Variants in NPAS3 observed in about 807,000 individuals in gnomAD.
The protein encoded by NPAS3 is neuronal PAS domain-containing protein 3.
Under a neutral mutation model 73.1 loss-of-function variants are expected in NPAS3, and 14 were observed. The observed-to-expected ratio is 0.19, with a 90% CI of 0.13 to 0.30. The LOEUF is 0.30. Among genes scored for constraint, NPAS3 ranks in the 10% least tolerant of loss-of-function variants. The pLI is 1.00. For synonymous variants in NPAS3, 620 were observed against 541.5 expected, an observed-to-expected ratio of 1.14 and a Z score of -2.01; for missense variants, 1,096 against 1,250.0, an observed-to-expected ratio of 0.88 and a Z score of 1.86.
At chr14:33,244,272 T>C (rs541817097) in intron 3 of NPAS3, among the ~76,000 whole-genome samples, 1 of 152,314 alleles carries the variant, frequency 6.6e-6, no homozygotes, top group East Asian at 1.9e-4. Context: ...TCCAAGCTTA[T>C]AGAGAATACC....
intron 4 of NPAS3, among the ~76,000 whole-genome samples, chr14:33,548,985 C>A (rs150210121): frequency 6.6e-6 from 1 of 152,190 alleles, no homozygotes; most frequent in Non-Finnish European, 1.5e-5. Context: ...ACAAATGTTT[C>A]ATCCCCAGTT....
At chr14:33,230,472 G>A (rs1285609766) in intron 3 of NPAS3, among the ~76,000 whole-genome samples, 1 of 152,190 alleles carries the variant, frequency 6.6e-6, no homozygotes, top group Non-Finnish European at 1.5e-5. Context: ...ACTAACAGCA[G>A]AGGATAAAAT....
At chr14:33,700,227 G>A (rs536282701) in intron 6 of NPAS3, among the ~76,000 whole-genome samples, 19 of 152,220 alleles carry the variant, frequency 1.2e-4, no homozygotes, top group African/African-American at 4.6e-4. Flanking sequence ...TCCCTGTTCA[G>A]AATGGTTTCT....
At chr14:33,226,441 T>C (rs902436794) in intron 3 of NPAS3, among the ~76,000 whole-genome samples, 1 of 152,232 alleles carries the variant, frequency 6.6e-6, no homozygotes, top group Non-Finnish European at 1.5e-5. Flanking sequence ...TTGAGATCTG[T>C]GTATTTAGTG....
chr14:33,261,697 AAC>A (rs1260461176), intron 3 of NPAS3, among the ~76,000 whole-genome samples: 1 of 152,208 alleles, frequency 6.6e-6, no homozygotes, highest in Non-Finnish European at 1.5e-5. Context: ...AGTTTGACAT[AAC>A]AATTTTATGT....
intron 2 of NPAS3, among the ~76,000 whole-genome samples, chr14:33,166,706 T>C (rs949291594): frequency 6.6e-6 from 1 of 152,196 alleles, no homozygotes; most frequent in African/African-American, 2.4e-5. Flanking sequence ...TGCAGAATTA[T>C]GGTGCTGGCT....
At chr14:33,436,773 G>T (rs924078744) in intron 4 of NPAS3, among the ~76,000 whole-genome samples, 1 of 152,142 alleles carries the variant, frequency 6.6e-6, no homozygotes, top group Non-Finnish European at 1.5e-5. Context: ...ATACCCTTGA[G>T]GCTCTTGGGG....
At chr14:33,047,779 C>A (rs2040560518) in intron 1 of NPAS3, among the ~76,000 whole-genome samples, 1 of 152,136 alleles carries the variant, frequency 6.6e-6, no homozygotes, top group Non-Finnish European at 1.5e-5. Flanking sequence ...CTATATCCAG[C>A]TCGGTCACTA....
chr14:33,413,303 C>T (rs184228273), intron 4 of NPAS3, among the ~76,000 whole-genome samples: 9 of 151,070 alleles, frequency 6.0e-5, no homozygotes, highest in South Asian at 4.2e-4. Flanking sequence ...CATTTGCTAC[C>T]GATAGCACTT....
At chr14:33,642,549 T>C (rs780566529) in intron 5 of NPAS3, among the ~76,000 whole-genome samples, 15 of 152,208 alleles carry the variant, frequency 9.9e-5, no homozygotes, top group Admixed American at 4.6e-4. Context: ...GGTACAAGAT[T>C]GAAAAATCTC....
At chr14:33,061,920 G>T (rs148054131) in intron 2 of NPAS3, among the ~76,000 whole-genome samples, 3 of 152,316 alleles carry the variant, frequency 2.0e-5, no homozygotes, top group African/African-American at 7.2e-5. Context: ...CATGGTGGAG[G>T]AGGAGCTATC....
At chr14:33,027,099 G>A (rs1595265431) in intron 1 of NPAS3, among the ~76,000 whole-genome samples, 1 of 152,052 alleles carries the variant, frequency 6.6e-6, no homozygotes, top group East Asian at 1.9e-4. Context: ...TTACCAAAAC[G>A]CTTCTAATTC....
chr14:33,179,678 T>C (rs930605381), intron 2 of NPAS3, among the ~76,000 whole-genome samples: 1 of 152,184 alleles, frequency 6.6e-6, no homozygotes, highest in Non-Finnish European at 1.5e-5. Flanking sequence ...GGAATAATAG[T>C]GGCTACAACT....
At chr14:33,091,070 A>G (rs1320309876) in intron 2 of NPAS3, among the ~76,000 whole-genome samples, 3 of 152,254 alleles carry the variant, frequency 2.0e-5, no homozygotes, top group Non-Finnish European at 2.9e-5. Context: ...TAACATCACA[A>G]TTAAAAGAAC....
intron 7 of NPAS3, among the ~76,000 whole-genome samples, chr14:33,769,161 T>C (rs733315): frequency 0.45 from 69,045 of 152,054 alleles, 16,174 homozygotes; most frequent in East Asian, 0.69. Context: ...GGCACTCTTA[T>C]GTATGTTTTC....
At chr14:33,119,734 G>C (rs1302548718) in intron 2 of NPAS3, among the ~76,000 whole-genome samples, 1 of 152,124 alleles carries the variant, frequency 6.6e-6, no homozygotes, top group Non-Finnish European at 1.5e-5. Flanking sequence ...AAGGCATTCA[G>C]AATCAAGATC....
chr14:33,766,833 C>T (rs1028785124), intron 7 of NPAS3, among the ~76,000 whole-genome samples: 2 of 152,266 alleles, frequency 1.3e-5, no homozygotes, highest in Admixed American at 6.5e-5. Context: ...CATTGTCACC[C>T]CCTCCCTGGA....
chr14:32,947,982 C>T (rs1375477846), intron 1 of NPAS3, among the ~76,000 whole-genome samples: 1 of 152,096 alleles, frequency 6.6e-6, no homozygotes, highest in Admixed American at 6.6e-5. Flanking sequence ...AGATATATGA[C>T]CTCTTCCAGC....
intron 4 of NPAS3, 108 bp from the exon 5 acceptor site, chr14:33,560,009 CAAAA>C (rs33950536): frequency 1.1e-4 from 45 of 393,650 alleles, no homozygotes; most frequent in Non-Finnish European, 1.2e-4. Flanking sequence ...GACTCTGTCT[CAAAA>C]AAAAAAAAAA....
Sources: allele counts gnomAD v4.1 joint callset (sites outside exome capture counted in the v4.1 genomes callset), GRCh38; gene constraint gnomAD v4.1.1; transcripts MANE v1.5; gene names NCBI Gene and HGNC (gene_info 2026-07-23, HGNC 2026-07-21).